ATG10: variants seen among roughly 807,000 people sequenced by gnomAD.
ATG10 encodes autophagy related 10, also known as ubiquitin-like-conjugating enzyme ATG10.
In ATG10, 30 loss-of-function variants were observed where a neutral mutation model predicts 32.1. The ratio of observed to expected loss-of-function variants is 0.94; its 90% CI spans 0.70 to 1.27. ATG10 has a LOEUF of 1.27. Ranked by LOEUF, ATG10 falls within the 50% of genes most tolerant of loss-of-function variation. The probability of loss-of-function intolerance (pLI) is 0.00; values close to 1 mark genes in which losing one functional copy is unlikely to be tolerated. For synonymous variants in ATG10, 87 were observed against 91.5 expected (o/e 0.95, Z 0.28); for missense variants, 233 against 262.3 (o/e 0.89, Z 0.77).
At chr5:82,141,827 C>T (rs1020194399) in intron 3 of ATG10, among the ~76,000 whole-genome samples, 5 of 151,994 alleles carry the variant, frequency 3.3e-5, no homozygotes, top group Middle Eastern at 3.4e-3. Flanking sequence ...TACACACACA[C>T]ACCCATACCC....
At chr5:82,057,589 T>G (rs1326049730) in intron 2 of ATG10, among the ~76,000 whole-genome samples, 1 of 152,190 alleles carries the variant, frequency 6.6e-6, no homozygotes, top group Non-Finnish European at 1.5e-5. Context: ...TATTAAAATG[T>G]AAATGTTGGT....
intron 3 of ATG10, among the ~76,000 whole-genome samples, chr5:82,074,144 A>C (rs1198510311): frequency 3.9e-5 from 6 of 152,236 alleles, no homozygotes; most frequent in Non-Finnish European, 5.9e-5. Context: ...CATTCTATAT[A>C]AAATTATTCC....
chr5:82,206,598 C>T (rs1338493561), intron 5 of ATG10, among the ~76,000 whole-genome samples: 3 of 150,346 alleles, frequency 2.0e-5, no homozygotes, highest in South Asian at 2.1e-4. Context: ...TGCAGTGAGC[C>T]GAGATCGCAC....
chr5:81,980,950 C>T (rs1201079689), intron 1 of ATG10, among the ~76,000 whole-genome samples: 1 of 152,188 alleles, frequency 6.6e-6, no homozygotes, highest in Admixed American at 6.5e-5. Flanking sequence ...GAGCAAGCCT[C>T]AGCTACCAAC....
In ATG10 at chr5:82,164,543, A is replaced by G. The variant is rs1414172691; in HGVS notation, c.355+6A>G. ...CTTTAGGGCAAGCTTTTTAGGTAAGAACATGTCTGAAGCTAAAAGTAAATT... is the reference window on the plus strand; with the variant it reads ...CTTTAGGGCAAGCTTTTTAGGTAAGGACATGTCTGAAGCTAAAAGTAAATT... On this transcript the variant is annotated splice_donor_region_variant and intron_variant, in intron 4 of 7. Coordinates refer to ENST00000282185, the MANE Select transcript of ATG10 (RefSeq NM_031482.5). 4 of 1,599,678 alleles carry G rather than the reference A, an allele frequency of 2.5e-6. No individual in the cohort carries two copies. The highest frequency in any genetic ancestry group is 3.4e-6 in the Non-Finnish European group (4 of 1,173,284).
chr5:82,253,834 T>C (rs1747359906), intron 7 of ATG10, among the ~76,000 whole-genome samples: 1 of 152,200 alleles, frequency 6.6e-6, no homozygotes, highest in Non-Finnish European at 1.5e-5. Context: ...TGGAACAGTT[T>C]CATCCTGAAA....
intron 3 of ATG10, among the ~76,000 whole-genome samples, chr5:82,137,116 A>G (rs1325093835): frequency 3.3e-5 from 5 of 151,826 alleles, no homozygotes; most frequent in African/African-American, 7.2e-5. Flanking sequence ...TCCTCTACCC[A>G]TTTTTCAAGG....
chr5:82,046,925 G>A (rs1377107931), intron 2 of ATG10, among the ~76,000 whole-genome samples: 6 of 150,896 alleles, frequency 4.0e-5, no homozygotes, highest in Admixed American at 3.3e-4. Context: ...ATAAGATTGG[G>A]AGTAACTTTA....
chr5:81,980,412 A>C (rs997982255), intron 1 of ATG10, among the ~76,000 whole-genome samples: 4 of 152,172 alleles, frequency 2.6e-5, no homozygotes, highest in Non-Finnish European at 5.9e-5. Context: ...AAAGAGGGGC[A>C]TGTTGACTGG....
At chr5:82,247,666 C>T (rs1747089101) in intron 5 of ATG10, among the ~76,000 whole-genome samples, 1 of 152,062 alleles carries the variant, frequency 6.6e-6, no homozygotes, top group South Asian at 2.1e-4. Flanking sequence ...TGAATTTTCC[C>T]CCTGGTATGA....
At chr5:82,089,202 C>T (rs997806089) in intron 3 of ATG10, among the ~76,000 whole-genome samples, 3 of 151,948 alleles carry the variant, frequency 2.0e-5, no homozygotes, top group African/African-American at 7.3e-5. Flanking sequence ...ATTAGCTGGG[C>T]ATGGTGGTGC....
chr5:82,016,693 CT>C (rs572355868), intron 2 of ATG10, among the ~76,000 whole-genome samples: 257 of 142,568 alleles, frequency 1.8e-3, no homozygotes, highest in Admixed American at 1.9e-3. Flanking sequence ...TTCTTTCTTT[CT>C]TTTTTTTTTT....
intron 1 of ATG10, among the ~76,000 whole-genome samples, chr5:81,977,679 G>A (rs1432981428): frequency 1.3e-5 from 2 of 152,124 alleles, no homozygotes; most frequent in Non-Finnish European, 1.5e-5. Flanking sequence ...GTCTCCACCT[G>A]GTTGGCCCTT....
intron 5 of ATG10, among the ~76,000 whole-genome samples, chr5:82,249,371 A>G (rs1270607327): frequency 2.6e-5 from 4 of 152,176 alleles, no homozygotes; most frequent in Non-Finnish European, 5.9e-5. Context: ...TGCTTTTAAT[A>G]TGCTACTTAA....
chr5:82,224,544 G>A (rs1239479750), intron 5 of ATG10, among the ~76,000 whole-genome samples: 3 of 152,172 alleles, frequency 2.0e-5, no homozygotes, highest in Non-Finnish European at 2.9e-5. Context: ...GTATTTGCAT[G>A]CAGGGGGAAG....
intron 1 of ATG10, among the ~76,000 whole-genome samples, chr5:81,979,688 CCTT>C (rs1760978113): frequency 6.8e-6 from 1 of 147,380 alleles, no homozygotes; most frequent in South Asian, 2.2e-4. Flanking sequence ...TGTAGGTAAA[CCTT>C]TTTTTTTTTT....
intron 2 of ATG10, among the ~76,000 whole-genome samples, chr5:82,014,135 A>G (rs1277925715): frequency 1.3e-5 from 2 of 152,262 alleles, no homozygotes; most frequent in East Asian, 3.9e-4. Flanking sequence ...GTAGTTGAGC[A>G]GTTTTGAGTG....
intron 5 of ATG10, among the ~76,000 whole-genome samples, chr5:82,243,042 C>T (rs1317022955): frequency 6.6e-6 from 1 of 151,922 alleles, no homozygotes; most frequent in South Asian, 2.1e-4. Flanking sequence ...TATTAAGATA[C>T]TTGAATTGTT....
intron 3 of ATG10, among the ~76,000 whole-genome samples, chr5:82,084,304 C>T (rs142450589): frequency 6.8e-4 from 103 of 152,236 alleles, no homozygotes; most frequent in African/African-American, 2.3e-3. Flanking sequence ...AAGAAACAAA[C>T]AAAGCCTCCA....
Sources: allele counts gnomAD v4.1 joint callset (sites outside exome capture counted in the v4.1 genomes callset), GRCh38; gene constraint gnomAD v4.1.1; transcripts MANE v1.5; gene names NCBI Gene and HGNC (gene_info 2026-07-23, HGNC 2026-07-21).